WWOX: variants seen among roughly 807,000 people sequenced by gnomAD.
WWOX encodes the protein WW domain containing oxidoreductase.
In WWOX, 69 loss-of-function variants were observed where a neutral mutation model predicts 46.2. The observed-to-expected ratio is 1.49, with a 90% CI of 1.23 to 1.82. WWOX has a LOEUF of 1.82. Among genes scored for constraint, WWOX ranks in the 40% most tolerant of loss-of-function variants. WWOX has a pLI of 0.00. For missense variants in WWOX, 919 were observed against 542.6 expected (o/e 1.69, Z -6.89); for synonymous variants, 359 against 202.6 (o/e 1.77, Z -6.56).
chr16:79,129,447 G>T (rs921263252), intron 8 of WWOX, among the ~76,000 whole-genome samples: 2 of 149,616 alleles, frequency 1.3e-5, no homozygotes, highest in Non-Finnish European at 3.0e-5. Context: ...CTTAAAATGT[G>T]TAAAAAGTTT....
At chr16:78,503,569 C>T (rs1250149379) in intron 8 of WWOX, 7 of 152,080 alleles carry the variant, frequency 4.6e-5, no homozygotes, top group African/African-American at 1.7e-4. Flanking sequence ...GTGCCATGAT[C>T]TTTGTCTTTG....
chr16:78,423,216 T>C lies in WWOX; in HGVS notation c.606-1654T>C, dbSNP rs193159359. ...TTATATATCTTCCATAACCTTTCTA[T>C]CTCTTTCTTTCTCTTTCTCTGTTTC... On this transcript the variant is annotated intron_variant, in intron 6 of 8. Coordinates refer to ENST00000566780, the MANE Select transcript of WWOX (RefSeq NM_016373.4). Among the ~76,000 whole-genome samples the C allele has an allele frequency of 5.6e-4, 85 of 152,240 alleles. No individual in the cohort carries two copies. In the East Asian group the frequency reaches 0.013, roughly 24 times the overall value.
At chr16:78,959,671 A>G (rs749069843) in intron 8 of WWOX, among the ~76,000 whole-genome samples, 4 of 152,180 alleles carry the variant, frequency 2.6e-5, no homozygotes, top group Admixed American at 2.6e-4. Context: ...TTTGTCGGAT[A>G]GACTGCAGGC....
At chr16:78,380,462 G>C (rs1028676427) in intron 5 of WWOX, among the ~76,000 whole-genome samples, 1 of 152,110 alleles carries the variant, frequency 6.6e-6, no homozygotes, top group South Asian at 2.1e-4. Flanking sequence ...AATGGTTGTT[G>C]TTTTGAGATG....
intron 5 of WWOX, among the ~76,000 whole-genome samples, chr16:78,189,262 C>T (rs758811365): frequency 6.6e-6 from 1 of 152,200 alleles, no homozygotes; most frequent in Non-Finnish European, 1.5e-5. Flanking sequence ...AGCTGCAGCT[C>T]ACCTGTGCCA....
intron 8 of WWOX, among the ~76,000 whole-genome samples, chr16:78,457,872 C>CACCACTATACT (rs1315518130): frequency 2.7e-5 from 4 of 145,952 alleles, no homozygotes; most frequent in Non-Finnish European, 5.9e-5. Context: ...GCCAAGATCG[C>CACCACTATACT]CCTACTGCAC....
chr16:78,503,991 C>T (rs886656989), intron 8 of WWOX, among the ~76,000 whole-genome samples: 5 of 151,994 alleles, frequency 3.3e-5, no homozygotes, highest in Admixed American at 2.6e-4. Context: ...TTTTTATTCC[C>T]TGGGTGTGAT....
At chr16:78,585,001 C>G (rs531258409) in intron 8 of WWOX, among the ~76,000 whole-genome samples, 2 of 152,182 alleles carry the variant, frequency 1.3e-5, no homozygotes, top group East Asian at 3.9e-4. Context: ...GCAGAAAGGC[C>G]GAGATGACCG....
chr16:78,386,761 G>A, intron 5 of WWOX, 99 bp from the exon 6 acceptor site: 1 of 1,060,004 alleles, frequency 9.4e-7, no homozygotes. Context: ...TATTAAACAG[G>A]GGAATTCCGA....
chr16:78,791,374 C>T (rs1597615633), intron 8 of WWOX, among the ~76,000 whole-genome samples: 2 of 152,262 alleles, frequency 1.3e-5, no homozygotes, highest in African/African-American at 4.8e-5. Context: ...CAGGCAGGAG[C>T]AGCCGATCTG....
At chr16:78,391,718 C>G (rs1016984012) in intron 6 of WWOX, among the ~76,000 whole-genome samples, 2 of 152,108 alleles carry the variant, frequency 1.3e-5, no homozygotes, top group Non-Finnish European at 2.9e-5. Flanking sequence ...CATGGTGATG[C>G]ATACCTGAAG....
chr16:78,561,726 G>C (rs774389447), intron 8 of WWOX, among the ~76,000 whole-genome samples: 12 of 152,182 alleles, frequency 7.9e-5, no homozygotes, highest in Non-Finnish European at 1.5e-4. Context: ...GCGCCTTATA[G>C]GGAATCAGAG....
intron 8 of WWOX, among the ~76,000 whole-genome samples, chr16:79,157,352 C>T (rs538006043): frequency 3.3e-5 from 5 of 151,220 alleles, no homozygotes; most frequent in African/African-American, 7.3e-5. Context: ...TTAGCTCTCA[C>T]AGTTAGAAAA....
intron 4 of WWOX, among the ~76,000 whole-genome samples, chr16:78,152,769 A>C (rs117183325): frequency 0.016 from 2,417 of 152,362 alleles, 36 homozygotes; most frequent in Middle Eastern, 0.031. Context: ...CATGCAGTCA[A>C]CTGGGATTTA....
chr16:78,331,335 A>C (rs1297498681), intron 5 of WWOX, among the ~76,000 whole-genome samples: 1 of 152,214 alleles, frequency 6.6e-6, no homozygotes, highest in Non-Finnish European at 1.5e-5. Flanking sequence ...ATTTATTTTT[A>C]TCTGTGTAAT....
intron 8 of WWOX, among the ~76,000 whole-genome samples, chr16:79,026,529 T>C (rs2047645215): frequency 6.6e-6 from 1 of 151,532 alleles, no homozygotes; most frequent in Admixed American, 6.6e-5. Context: ...CAGACAATGA[T>C]CTCTATCTAG....
rs1395279634 is a variant in WWOX, at chr16:78,870,790, C to T, written c.1057-340818C>T. Among the ~76,000 whole-genome samples, 7 of 152,238 alleles carry T rather than the reference C, an allele frequency of 4.6e-5. No individual in the cohort carries two copies. The South Asian group carries it at 1.0e-3, about 23-fold the overall frequency. Reference sequence around the variant, plus strand: ...CTAAATTTTTGTATTTTAGTAGAGACGGGTTTTCACCGTGTTGCCCAGGGT... The same window carrying T: ...CTAAATTTTTGTATTTTAGTAGAGATGGGTTTTCACCGTGTTGCCCAGGGT... On this transcript the variant is annotated intron_variant, in intron 8 of 8. Coordinates refer to ENST00000566780, the MANE Select transcript of WWOX (RefSeq NM_016373.4).
At chr16:78,987,731 G>A (rs1358024809) in intron 8 of WWOX, among the ~76,000 whole-genome samples, 4 of 152,120 alleles carry the variant, frequency 2.6e-5, no homozygotes, top group South Asian at 2.1e-4. Flanking sequence ...TGAGAGTTGC[G>A]ATATGTCGGC....
chr16:78,852,296 A>C (rs2052463304), intron 8 of WWOX, among the ~76,000 whole-genome samples: 1 of 152,180 alleles, frequency 6.6e-6, no homozygotes, highest in South Asian at 2.1e-4. Context: ...TGTAACCTAC[A>C]GGGGGAAGTG....
Sources: gnomAD v4.1 joint callset for allele counts (sites outside exome capture counted in the v4.1 genomes callset) on GRCh38, gnomAD v4.1.1 for gene constraint, MANE v1.5 for transcripts, NCBI Gene and HGNC (gene_info 2026-07-23, HGNC 2026-07-21) for gene names.